Variants in KIAA1958 observed in about 807,000 individuals in gnomAD.
KIAA1958 encodes KIAA1958.
A neutral mutation model predicts 47.2 loss-of-function variants in KIAA1958; 14 were observed. The observed-to-expected ratio is 0.30, with a 90% confidence interval of 0.20 to 0.46. KIAA1958 has a LOEUF of 0.46. Ranked by LOEUF, KIAA1958 falls within the 20% of genes least tolerant of loss-of-function variation. KIAA1958 has a pLI of 1.00. For missense variants in KIAA1958, 803 were observed against 909.2 expected (o/e 0.88, Z 1.50); for synonymous variants, 354 against 353.3 (o/e 1.00, Z -0.02).
chr9:112,640,731 G>C (rs188294419), intron 2 of KIAA1958, among the ~76,000 whole-genome samples: 2 of 152,158 alleles, frequency 1.3e-5, no homozygotes, highest in East Asian at 3.9e-4. Flanking sequence ...TTGAGTTCTG[G>C]TTCATTTGAT....
intron 1 of KIAA1958, among the ~76,000 whole-genome samples, chr9:112,521,019 TTTC>T (rs1834531275): frequency 6.6e-6 from 1 of 152,344 alleles, no homozygotes; most frequent in African/African-American, 2.4e-5. Flanking sequence ...TTATAAGCCT[TTTC>T]TTCTTGTTTC....
At chr9:112,581,125 T>C (rs1231825884) in intron 2 of KIAA1958, among the ~76,000 whole-genome samples, 1 of 152,158 alleles carries the variant, frequency 6.6e-6, no homozygotes, top group African/African-American at 2.4e-5. Flanking sequence ...TTCCTTACTC[T>C]GCCTCCTGCT....
At chr9:112,530,175 CA>C (rs1485912957) in intron 1 of KIAA1958, among the ~76,000 whole-genome samples, 2 of 152,174 alleles carry the variant, frequency 1.3e-5, no homozygotes, top group Non-Finnish European at 2.9e-5. Flanking sequence ...GCAATATTGA[CA>C]TAAATTATTT....
chr9:112,487,462 C>T (rs1833880231), intron 1 of KIAA1958, among the ~76,000 whole-genome samples: 1 of 152,040 alleles, frequency 6.6e-6, no homozygotes, highest in African/African-American at 2.4e-5. Flanking sequence ...GCTGGCGCCC[C>T]CGCTCCTGCT....
At chr9:112,515,594 T>C (rs1426210631) in intron 1 of KIAA1958, among the ~76,000 whole-genome samples, 1 of 75,554 alleles carries the variant, frequency 1.3e-5, no homozygotes, top group African/African-American at 5.1e-5. Context: ...CCCCCAACCC[T>C]GTGCTCTCTG....
intron 3 of KIAA1958, among the ~76,000 whole-genome samples, chr9:112,658,384 A>G (rs1045615965): frequency 4.6e-5 from 7 of 152,248 alleles, no homozygotes; most frequent in African/African-American, 1.7e-4. Context: ...AGTTTGTTTA[A>G]TTCAGGAATT....
chr9:112,530,118 C>T (rs1834729349), intron 1 of KIAA1958, among the ~76,000 whole-genome samples: 1 of 152,232 alleles, frequency 6.6e-6, no homozygotes, highest in Admixed American at 6.5e-5. Context: ...GCTGGGATTA[C>T]AGGCGTGAGC....
intron 1 of KIAA1958, among the ~76,000 whole-genome samples, chr9:112,513,485 G>A (rs2132783321): frequency 4.9e-5 from 1 of 20,290 alleles, no homozygotes; most frequent in Non-Finnish European, 8.6e-5. Flanking sequence ...GGGGTCGGTG[G>A]CCGCGGCTGG....
chr9:112,575,252 G>T lies in KIAA1958; in HGVS notation c.1171+1G>T. The T allele has an allele frequency of 6.6e-7, 1 of 1,513,306 alleles. No individual in the cohort carries two copies. The highest frequency in any genetic ancestry group is 1.3e-5 in the South Asian group (1 of 77,632). 93.7% of individuals were successfully genotyped at this position (1,513,306 alleles called of 1,614,324 possible). On this transcript the variant is annotated splice_donor_variant, in intron 2 of 3. Transcript: ENST00000337530. LOFTEE classifies it high-confidence loss of function. ...GAGGCCACAGCACAGTGCATACCAG[G>T]TATGGCACATGAGGCGACAGTGAGT...
intron 2 of KIAA1958, among the ~76,000 whole-genome samples, chr9:112,596,038 G>A (rs903421642): frequency 6.6e-6 from 1 of 151,994 alleles, no homozygotes; most frequent in Non-Finnish European, 1.5e-5. Flanking sequence ...GCCTTCCTCC[G>A]CCTCCCAAAG....
chr9:112,513,596 TGCCGCGACCGACCGCAGCCGCC>T (rs1262334531), intron 1 of KIAA1958, among the ~76,000 whole-genome samples: 5 of 131,164 alleles, frequency 3.8e-5, no homozygotes, highest in Non-Finnish European at 8.2e-5. Flanking sequence ...GCGGAGCCGC[TGCCGCGACCGACCGCAGCCGCC>T]GCCGCCCGAC....
At chr9:112,511,874 A>T (rs1368659892) in intron 1 of KIAA1958, among the ~76,000 whole-genome samples, 1 of 152,244 alleles carries the variant, frequency 6.6e-6, no homozygotes, top group African/African-American at 2.4e-5. Context: ...TATTAAAAGG[A>T]TAATAAGAGA....
In KIAA1958 at chr9:112,515,258, G is replaced by T. The variant is rs1191724836; in HGVS notation, c.-25+28140G>T. ...GCCAGCCGCCCTGTCCGGGAGGGAG[G>T]TGGGGGGGTCAGCCCCCCTGCCCGG... On this transcript the variant is annotated intron_variant, in intron 1 of 3. Coordinates refer to ENST00000337530, the MANE Select transcript of KIAA1958 (RefSeq NM_133465.4). 4.0e-4 allele frequency among the ~76,000 whole-genome samples: 43 copies of T among 107,244 alleles called. 5 individuals carry two copies. Among genetic ancestry groups the T allele is most frequent in the African/African-American group, 1.4e-3 (41 of 30,152 alleles). The allele number at this position is 107,244 out of a possible 152,430, so 70.4% of individuals were successfully genotyped here.
At chr9:112,658,683 G>A (rs1457536100) in intron 3 of KIAA1958, among the ~76,000 whole-genome samples, 1 of 152,152 alleles carries the variant, frequency 6.6e-6, no homozygotes, top group East Asian at 1.9e-4. Flanking sequence ...GTTTAGACCA[G>A]GCGTGGTGGC....
intron 3 of KIAA1958, among the ~76,000 whole-genome samples, chr9:112,646,654 G>A (rs112713122): frequency 0.014 from 2,102 of 152,236 alleles, 18 homozygotes; most frequent in Non-Finnish European, 0.022. Flanking sequence ...GGAGGATTGC[G>A]TGAACCCAAG....
intron 2 of KIAA1958, among the ~76,000 whole-genome samples, chr9:112,604,531 CCTT>C (rs1384587666): frequency 6.6e-6 from 1 of 152,160 alleles, no homozygotes; most frequent in Non-Finnish European, 1.5e-5. Context: ...GTCACCTATA[CCTT>C]CTTTAAGAGA....
intron 1 of KIAA1958, among the ~76,000 whole-genome samples, chr9:112,535,826 A>G (rs1834845631): frequency 6.6e-6 from 1 of 151,686 alleles, no homozygotes; most frequent in Non-Finnish European, 1.5e-5. Context: ...CACTTTCCTG[A>G]TGATTAGTGA....
rs1301869285 is a variant in KIAA1958 at position 112,664,461 on chromosome 9, G to A, written c.*4392G>A. 6.6e-6 allele frequency: 1 copy of A among 152,218 alleles called. No homozygotes were observed. Among genetic ancestry groups the A allele is most frequent in the African/African-American group, 2.4e-5 (1 of 41,458 alleles). The allele number at this position is 152,218 out of a possible 1,614,324, so 9.4% of individuals were successfully genotyped here. ...CTTTAAGCATCAATGAATGCAAACAGTGAAGACCTCAAAGAAGAGTTACCT... is the reference window on the plus strand; with the variant it reads ...CTTTAAGCATCAATGAATGCAAACAATGAAGACCTCAAAGAAGAGTTACCT... On this transcript the variant is annotated 3_prime_UTR_variant, in exon 4 of 4. Coordinates refer to ENST00000337530, the MANE Select transcript of KIAA1958 (RefSeq NM_133465.4).
At chr9:112,520,892 G>T (rs3849133) in intron 1 of KIAA1958, among the ~76,000 whole-genome samples, 145,451 of 152,298 alleles carry the variant, frequency 0.96, 69,532 homozygotes, top group African/African-American at 0.99. Flanking sequence ...CATGCAGTAC[G>T]TGGAAGTTAG....
Sources: gnomAD v4.1 joint callset for allele counts (sites outside exome capture counted in the v4.1 genomes callset) on GRCh38, gnomAD v4.1.1 for gene constraint, MANE v1.5 for transcripts, NCBI Gene and HGNC (gene_info 2026-07-23, HGNC 2026-07-21) for gene names.